The following OLFM3 variants were observed in gnomAD, a reference collection of about 807,000 sequenced individuals.
The protein encoded by OLFM3 is noelin-3.
In OLFM3, 20 loss-of-function variants were observed where a neutral mutation model predicts 48.6. The ratio of observed to expected loss-of-function variants is 0.41; its 90% CI spans 0.29 to 0.60. The LOEUF is 0.60. Among genes scored for constraint, OLFM3 ranks in the 20% least tolerant of loss-of-function variants. The pLI is 0.28. For missense variants in OLFM3, 437 were observed against 544.3 expected (o/e 0.80, Z 1.96); for synonymous variants, 222 against 198.1 (o/e 1.12, Z -1.01).
chr1:101,846,943 C>T (rs747474230), intron 1 of OLFM3: 1 of 1,612,252 alleles, frequency 6.2e-7, no homozygotes, highest in Non-Finnish European at 8.5e-7. Flanking sequence ...GTACTAAGCA[C>T]AGCGCCAAGC....
chr1:101,872,735 A>AT (rs1403229911), intron 1 of OLFM3, among the ~76,000 whole-genome samples: 2 of 151,912 alleles, frequency 1.3e-5, no homozygotes, highest in African/African-American at 4.8e-5. Context: ...GGGGATTAAA[A>AT]TTTTGCATCT....
chr1:101,964,578 C>A (rs995359248), intron 1 of OLFM3, among the ~76,000 whole-genome samples: 1 of 152,002 alleles, frequency 6.6e-6, no homozygotes, highest in Non-Finnish European at 1.5e-5. Flanking sequence ...CATTATCAAG[C>A]AGTTTTTACT....
chr1:101,849,170 T>G (rs1423390078), intron 1 of OLFM3, among the ~76,000 whole-genome samples: 1 of 152,186 alleles, frequency 6.6e-6, no homozygotes, highest in Non-Finnish European at 1.5e-5. Flanking sequence ...CACATTGAAG[T>G]AGAAAAGCTC....
chr1:101,815,144 T>C (rs1433628981), intron 4 of OLFM3, among the ~76,000 whole-genome samples: 4 of 152,238 alleles, frequency 2.6e-5, no homozygotes, highest in East Asian at 3.9e-4. Context: ...AGCTACTGTA[T>C]AGAATATTAA....
intron 1 of OLFM3, among the ~76,000 whole-genome samples, chr1:101,966,544 C>A (rs1055341422): frequency 1.3e-5 from 2 of 152,142 alleles, no homozygotes; most frequent in South Asian, 2.1e-4. Flanking sequence ...TCCCTTCCAG[C>A]GCACTGATTG....
chr1:101,879,811 A>G (rs1253879634), intron 1 of OLFM3, among the ~76,000 whole-genome samples: 1 of 151,900 alleles, frequency 6.6e-6, no homozygotes, highest in Non-Finnish European at 1.5e-5. Context: ...ATTCTGAATC[A>G]GTAGTCACTC....
intron 1 of OLFM3, among the ~76,000 whole-genome samples, chr1:101,933,175 CTGGG>C (rs1267151872): frequency 8.4e-6 from 1 of 118,724 alleles, no homozygotes; most frequent in Non-Finnish European, 1.6e-5. Flanking sequence ...GCACTCCAGC[CTGGG>C]TGACAGAGTG....
At chr1:101,904,437 G>A (rs1658490482) in intron 1 of OLFM3, among the ~76,000 whole-genome samples, 1 of 152,084 alleles carries the variant, frequency 6.6e-6, no homozygotes, top group Non-Finnish European at 1.5e-5. Context: ...GCAGCTGCTA[G>A]TGCTAGCCTG....
At chr1:101,904,055 C>A (rs1658477814) in intron 1 of OLFM3, among the ~76,000 whole-genome samples, 1 of 151,996 alleles carries the variant, frequency 6.6e-6, no homozygotes, top group African/African-American at 2.4e-5. Context: ...TCAAACCTTG[C>A]CTTTTCCATA....
At chr1:101,846,911 C>A in intron 1 of OLFM3, 1 of 1,612,752 alleles carries the variant, frequency 6.2e-7, no homozygotes, top group Non-Finnish European at 8.5e-7. Context: ...TTTGGGACAT[C>A]CAGTTTGAGA....
intron 1 of OLFM3, among the ~76,000 whole-genome samples, chr1:101,867,696 GTTAT>G (rs780348892): frequency 3.3e-5 from 5 of 152,064 alleles, no homozygotes; most frequent in African/African-American, 7.2e-5. Context: ...CTCAAAGAAA[GTTAT>G]TTAATTTATA....
intron 1 of OLFM3, among the ~76,000 whole-genome samples, chr1:101,948,880 T>A (rs1660037858): frequency 6.8e-6 from 1 of 147,968 alleles, no homozygotes; most frequent in Admixed American, 6.8e-5. Flanking sequence ...ATATTTTTTA[T>A]TGTTATAGAT....
At chr1:101,964,330 C>T (rs1660552249) in intron 1 of OLFM3, among the ~76,000 whole-genome samples, 1 of 152,128 alleles carries the variant, frequency 6.6e-6, no homozygotes, top group African/African-American at 2.4e-5. Flanking sequence ...TAGAAAACAG[C>T]ATACGGGTTT....
At chr1:101,877,599 G>A (rs1657350692) in intron 1 of OLFM3, among the ~76,000 whole-genome samples, 1 of 151,946 alleles carries the variant, frequency 6.6e-6, no homozygotes, top group Non-Finnish European at 1.5e-5. Flanking sequence ...AATAGGAGAA[G>A]AAAGAGGGAA....
chr1:101,971,902 A>G (rs1024944357), intron 1 of OLFM3, among the ~76,000 whole-genome samples: 4 of 151,768 alleles, frequency 2.6e-5, no homozygotes, highest in Admixed American at 6.6e-5. Context: ...TTTAGGATGC[A>G]TATGTGTTTG....
At chr1:101,884,729 T>C (rs1488722010) in intron 1 of OLFM3, among the ~76,000 whole-genome samples, 1 of 152,058 alleles carries the variant, frequency 6.6e-6, no homozygotes, top group Non-Finnish European at 1.5e-5. Flanking sequence ...AGAATCCTTT[T>C]TCTGGAATGG....
At chr1:101,941,398 G>A (rs1199927102) in intron 1 of OLFM3, among the ~76,000 whole-genome samples, 1 of 152,154 alleles carries the variant, frequency 6.6e-6, no homozygotes, top group Non-Finnish European at 1.5e-5. Context: ...AATCTCCCAG[G>A]GGTCTCCTGG....
rs185099376 is a variant in OLFM3, at chr1:101,840,821, T to G, written c.70-3796A>C. Among the ~76,000 whole-genome samples, 141 of 152,336 alleles carry G rather than the reference T, an allele frequency of 9.3e-4. 1 individual carries two copies. The highest frequency in any genetic ancestry group is 6.4e-3 in the Admixed American group (98 of 15,296). On this transcript the variant is annotated intron_variant, in intron 1 of 5. Coordinates refer to ENST00000370103, the MANE Select transcript of OLFM3 (RefSeq NM_058170.4). Reference sequence around the variant, plus strand: ...TGATTATAACCTTGGTAGCATTTTCTGAACTACTGTGAAGCTCAGTGCTTA... The same window carrying G: ...TGATTATAACCTTGGTAGCATTTTCGGAACTACTGTGAAGCTCAGTGCTTA...
At chr1:101,889,816 TA>T (rs1657918034) in intron 1 of OLFM3, among the ~76,000 whole-genome samples, 1 of 152,054 alleles carries the variant, frequency 6.6e-6, no homozygotes, top group South Asian at 2.1e-4. Flanking sequence ...ATTCTACATA[TA>T]TTTGCCATAT....
Sources: gnomAD v4.1 joint callset for allele counts (sites outside exome capture counted in the v4.1 genomes callset) on GRCh38, gnomAD v4.1.1 for gene constraint, MANE v1.5 for transcripts, NCBI Gene and HGNC (gene_info 2026-07-23, HGNC 2026-07-21) for gene names.